Variants in LRRC37A2 observed in about 807,000 individuals in gnomAD.
The protein encoded by LRRC37A2 is leucine rich repeat containing 37 member A2.
In LRRC37A2, 9 loss-of-function variants were observed where a neutral mutation model predicts 68.8. The observed-to-expected ratio is 0.13, with a 90% CI of 0.08 to 0.23. LRRC37A2 has a LOEUF of 0.23. Ranked by LOEUF, LRRC37A2 falls within the 10% of genes least tolerant of loss-of-function variation. The probability of loss-of-function intolerance (pLI) is 1.00; values close to 1 mark genes in which losing one functional copy is unlikely to be tolerated. For synonymous variants in LRRC37A2, 63 were observed against 367.6 expected, an observed-to-expected ratio of 0.17 and a Z score of 9.48; for missense variants, 168 against 950.4, an observed-to-expected ratio of 0.18 and a Z score of 10.82.
At chr17:46,498,829 G>A in the LRRC37A2 span, among the ~76,000 whole-genome samples, 1 of 150,006 alleles carries the variant, frequency 6.7e-6, no homozygotes, top group Admixed American at 6.6e-5. Flanking sequence ...TATGTATAGT[G>A]GTTGAAAGCA....
the LRRC37A2 span, chr17:46,884,996 C>CTT: frequency 5.9e-5 from 22 of 372,834 alleles, no homozygotes; most frequent in Admixed American, 8.9e-5. Context: ...ATTTCCTTAG[C>CTT]TTTTTTTTTT....
chr17:46,839,815 T>C, the LRRC37A2 span, among the ~76,000 whole-genome samples: 1 of 152,198 alleles, frequency 6.6e-6, no homozygotes, highest in South Asian at 2.1e-4. Context: ...CTGAGAATGA[T>C]GGTTTCCAGC....
chr17:46,918,395 T>C, the LRRC37A2 span, among the ~76,000 whole-genome samples: 1 of 152,106 alleles, frequency 6.6e-6, no homozygotes, highest in Non-Finnish European at 1.5e-5. Flanking sequence ...CAGTTTTTAA[T>C]CAAATTGCAT....
the LRRC37A2 span, among the ~76,000 whole-genome samples, chr17:46,718,379 G>A: frequency 6.6e-6 from 1 of 152,042 alleles, no homozygotes; most frequent in African/African-American, 2.4e-5. Context: ...CTACAAGAGT[G>A]GAAATTGAAT....
At chr17:47,045,320 C>T in the LRRC37A2 span, among the ~76,000 whole-genome samples, 1 of 146,578 alleles carries the variant, frequency 6.8e-6, no homozygotes, top group Non-Finnish European at 1.5e-5. Flanking sequence ...TTGGAGGACT[C>T]AGAAAAGGCC....
the LRRC37A2 span, among the ~76,000 whole-genome samples, chr17:46,771,936 C>T: frequency 6.8e-6 from 1 of 146,872 alleles, no homozygotes; most frequent in Non-Finnish European, 1.5e-5. Flanking sequence ...CCCGCCGCGC[C>T]GCCGCCGCGC....
At chr17:46,971,836 T>G in the LRRC37A2 span, among the ~76,000 whole-genome samples, 17 of 152,344 alleles carry the variant, frequency 1.1e-4, no homozygotes, top group Non-Finnish European at 1.5e-5. Flanking sequence ...GTTTGTTCTG[T>G]GTGCATGTTT....
chr17:46,733,053 G>A, the LRRC37A2 span, among the ~76,000 whole-genome samples: 1 of 152,326 alleles, frequency 6.6e-6, no homozygotes, highest in East Asian at 1.9e-4. Flanking sequence ...TGAGCTGGAC[G>A]TACAATTTGT....
the LRRC37A2 span, among the ~76,000 whole-genome samples, chr17:46,761,884 G>A: frequency 2.0e-5 from 3 of 152,292 alleles, no homozygotes; most frequent in African/African-American, 7.2e-5. Context: ...GGCGATCTGA[G>A]AGGGTGCCCA....
At chr17:46,766,401 A>G in the LRRC37A2 span, among the ~76,000 whole-genome samples, 3 of 151,196 alleles carry the variant, frequency 2.0e-5, no homozygotes, top group African/African-American at 7.3e-5. Context: ...AGAGAGACTC[A>G]GTCTCAAAAA....
chr17:46,740,578 G>A, the LRRC37A2 span, among the ~76,000 whole-genome samples: 263 of 152,064 alleles, frequency 1.7e-3, no homozygotes, highest in Non-Finnish European at 2.8e-3. Flanking sequence ...TCTTAGTTAA[G>A]TTTCTAATGA....
chr17:46,872,490 C>T, the LRRC37A2 span: 98 of 1,463,716 alleles, frequency 6.7e-5, no homozygotes, highest in Non-Finnish European at 8.3e-5. Context: ...CAAGGCTCAC[C>T]TGTCTCCCTC....
the LRRC37A2 span, among the ~76,000 whole-genome samples, chr17:46,785,684 G>A: frequency 2.6e-5 from 4 of 152,232 alleles, no homozygotes; most frequent in Non-Finnish European, 5.9e-5. Context: ...AGCCCGGGAG[G>A]ACCATGGTTC....
At chr17:46,939,599 G>T in the LRRC37A2 span, 1 of 985,554 alleles carries the variant, frequency 1.0e-6, no homozygotes, top group Non-Finnish European at 1.2e-6. Flanking sequence ...TCCAATTACA[G>T]TCTCAGCTCT....
chr17:46,847,930 G>T, the LRRC37A2 span, among the ~76,000 whole-genome samples: 2 of 151,848 alleles, frequency 1.3e-5, no homozygotes, highest in Non-Finnish European at 2.9e-5. Flanking sequence ...TGTGGCCATA[G>T]CAAAGCTTTC....
At chr17:46,830,203 C>T in the LRRC37A2 span, among the ~76,000 whole-genome samples, 1 of 152,156 alleles carries the variant, frequency 6.6e-6, no homozygotes, top group Non-Finnish European at 1.5e-5. Context: ...ACCCCCACAC[C>T]CAGCCTTTTG....
At chr17:46,773,619 T>TGCCGGGGG in the LRRC37A2 span, 1 of 549,848 alleles carries the variant, frequency 1.8e-6, no homozygotes, top group Non-Finnish European at 3.2e-6. Context: ...ACAGTCCTGA[T>TGCCGGGGG]CCCTCCCCCC....
chr17:46,851,650 G>T, the LRRC37A2 span: 2 of 1,265,604 alleles, frequency 1.6e-6, no homozygotes, highest in East Asian at 3.4e-5. The surrounding 1 kb of genome is among the most constrained non-coding windows in gnomAD (Gnocchi z 4.3). Flanking sequence ...TGCGCCCCCC[G>T]CCCGCGCTGG....
chr17:46,818,119 C>T, the LRRC37A2 span, among the ~76,000 whole-genome samples: 1 of 151,828 alleles, frequency 6.6e-6, no homozygotes, highest in African/African-American at 2.4e-5. Flanking sequence ...ATGGTTTTGC[C>T]CATGAAGACC....
Sources: gnomAD v4.1 joint callset for allele counts (sites outside exome capture counted in the v4.1 genomes callset) on GRCh38, gnomAD v4.1.1 for gene constraint, Gnocchi (gnomAD v3.1) non-coding constraint, MANE v1.5 for transcripts, NCBI Gene and HGNC (gene_info 2026-07-23, HGNC 2026-07-21) for gene names.